The following CACNA2D1 variants were observed in gnomAD, a reference collection of about 807,000 sequenced individuals.
The protein encoded by CACNA2D1 is voltage-dependent calcium channel subunit alpha-2/delta-1.
In CACNA2D1, 53 loss-of-function variants were observed where a neutral mutation model predicts 171.5. The ratio of observed to expected loss-of-function variants is 0.31; its 90% CI spans 0.25 to 0.39. CACNA2D1 has a LOEUF of 0.39. CACNA2D1 is among the 10% of genes least tolerant of loss of function. The pLI is 1.00. For missense variants in CACNA2D1, 903 were observed against 1,299.8 expected, an observed-to-expected ratio of 0.69 and a Z score of 4.69; for synonymous variants, 442 against 443.1, an observed-to-expected ratio of 1.00 and a Z score of 0.03.
At chr7:82,111,440 ATATAT>A (rs1788428081) in intron 6 of CACNA2D1, among the ~76,000 whole-genome samples, 1 of 99,748 alleles carries the variant, frequency 1.0e-5, no homozygotes, top group African/African-American at 4.1e-5. Flanking sequence ...ATATATATAT[ATATAT>A]TTTTTTTTTT....
At chr7:82,109,294 A>G (rs1788106778) in intron 6 of CACNA2D1, among the ~76,000 whole-genome samples, 1 of 152,174 alleles carries the variant, frequency 6.6e-6, no homozygotes, top group African/African-American at 2.4e-5. Context: ...CCTACTGATG[A>G]AAACTCTTTT....
chr7:82,010,893 A>G (rs1317259897), intron 15 of CACNA2D1, among the ~76,000 whole-genome samples: 1 of 152,184 alleles, frequency 6.6e-6, no homozygotes, highest in African/African-American at 2.4e-5. Context: ...AGGGTTACTG[A>G]ATCAGCATTT....
intron 36 of CACNA2D1, among the ~76,000 whole-genome samples, 184 bp downstream of exon 36, chr7:81,961,710 G>A (rs1356918533): frequency 6.6e-6 from 1 of 151,844 alleles, no homozygotes; most frequent in African/African-American, 2.4e-5. Flanking sequence ...AATTTTAAAA[G>A]TCTACAGAGA....
At chr7:82,377,260 C>A (rs1250829965) in intron 1 of CACNA2D1, among the ~76,000 whole-genome samples, 1 of 152,144 alleles carries the variant, frequency 6.6e-6, no homozygotes, top group African/African-American at 2.4e-5. Flanking sequence ...TTGATTAAAG[C>A]TTCAGAGTTG....
intron 14 of CACNA2D1, 118 bp downstream of exon 14, chr7:82,013,343 G>C (rs879476733): frequency 5.2e-5 from 15 of 287,512 alleles, no homozygotes; most frequent in Admixed American, 1.1e-4. Context: ...TTTTAATATA[G>C]GTGTAATATT....
intron 32 of CACNA2D1, among the ~76,000 whole-genome samples, chr7:81,965,098 AAAC>A: frequency 6.6e-6 from 1 of 151,966 alleles, no homozygotes; most frequent in East Asian, 1.9e-4. Flanking sequence ...GAAAAAAAAC[AAAC>A]AAAGCCCAGG....
chr7:82,013,539 T>C (rs375015775), intron 13 of CACNA2D1, 29 bp from the exon 14 acceptor site: 19 of 793,802 alleles, frequency 2.4e-5, no homozygotes, highest in Non-Finnish European at 3.4e-5. Flanking sequence ...TTTTTATACA[T>C]AAATGTTACT....
In CACNA2D1 at chr7:82,381,175, G is replaced by T. The variant is rs1281891143; in HGVS notation, c.96-31526C>A. Among the ~76,000 whole-genome samples, 3 of 151,902 alleles carry T rather than the reference G, an allele frequency of 2.0e-5. No homozygotes were observed. The South Asian group carries it at 6.2e-4, about 32-fold the overall frequency. On this transcript the variant is annotated intron_variant, in intron 1 of 38. Coordinates refer to ENST00000356860, the MANE Select transcript of CACNA2D1 (RefSeq NM_000722.4). Reference sequence around the variant, plus strand: ...AAAATGCAAAAACAATTAACTGGCCGTGGTGGCGGGCCCCTGTAGTCCCAG... The same window carrying T: ...AAAATGCAAAAACAATTAACTGGCCTTGGTGGCGGGCCCCTGTAGTCCCAG...
intron 38 of CACNA2D1, 53 bp downstream of exon 38, chr7:81,959,222 G>A (rs376915534): frequency 5.8e-5 from 72 of 1,245,596 alleles, no homozygotes; most frequent in Admixed American, 2.2e-4. Context: ...GAATTCTTGC[G>A]GACAGTGACC....
intron 5 of CACNA2D1, among the ~76,000 whole-genome samples, chr7:82,117,491 A>G (rs1486966429): frequency 1.3e-5 from 2 of 152,176 alleles, no homozygotes; most frequent in Admixed American, 1.3e-4. Flanking sequence ...ATGTAAACTT[A>G]AAGAATTGGA....
At chr7:82,354,430 C>A (rs1004474097) in intron 1 of CACNA2D1, among the ~76,000 whole-genome samples, 1 of 151,936 alleles carries the variant, frequency 6.6e-6, no homozygotes, top group African/African-American at 2.4e-5. Context: ...ATAAGTAGAA[C>A]CAAAGAGAAA....
At chr7:82,137,859 C>CA (rs77305052) in intron 4 of CACNA2D1, among the ~76,000 whole-genome samples, 73 of 149,492 alleles carry the variant, frequency 4.9e-4, no homozygotes, top group East Asian at 1.2e-3. Flanking sequence ...GACTCCGCCT[C>CA]AAAAAAAAAA....
intron 3 of CACNA2D1, among the ~76,000 whole-genome samples, chr7:82,257,732 G>A (rs1806474677): frequency 6.6e-6 from 1 of 152,090 alleles, no homozygotes; most frequent in African/African-American, 2.4e-5. Context: ...AATCTGGACT[G>A]GTTCTCACAT....
intron 3 of CACNA2D1, among the ~76,000 whole-genome samples, chr7:82,179,184 T>C (rs1003124766): frequency 3.9e-5 from 6 of 152,110 alleles, no homozygotes; most frequent in African/African-American, 1.4e-4. Flanking sequence ...CCCTAATCCA[T>C]GTAATTCCAC....
In CACNA2D1 at chr7:82,076,157, AG is replaced by A. The variant is rs544323343; in HGVS notation, c.658+8611del. On this transcript the variant is annotated intron_variant, in intron 7 of 38. Transcript: ENST00000356860. The stretch of plus-strand genomic sequence containing the variant: ...ATAAGACAGATTCAGGTAAGAGATA[AG>A]GTTATACAAAATGCAACAAAAATGC... 2.9e-3 allele frequency among the ~76,000 whole-genome samples: 437 copies of A among 152,290 alleles called. 3 individuals carry two copies. Among genetic ancestry groups the A allele is most frequent in the African/African-American group, 9.8e-3 (407 of 41,570 alleles).
chr7:82,321,541 T>C (rs548698254), intron 3 of CACNA2D1, among the ~76,000 whole-genome samples: 4 of 152,158 alleles, frequency 2.6e-5, no homozygotes, highest in Non-Finnish European at 5.9e-5. Context: ...CATATCTTCC[T>C]CATAAGGTTA....
At chr7:82,278,864 T>C (rs1334799196) in intron 3 of CACNA2D1, among the ~76,000 whole-genome samples, 4 of 152,148 alleles carry the variant, frequency 2.6e-5, no homozygotes, top group Non-Finnish European at 5.9e-5. Flanking sequence ...TGCAAGCACA[T>C]GTAAGGGTCT....
At chr7:82,140,970 G>GAAAAAAAAAAAAAAAAAAAA (rs1007160020) in intron 4 of CACNA2D1, among the ~76,000 whole-genome samples, 1 of 92,914 alleles carries the variant, frequency 1.1e-5, no homozygotes. Flanking sequence ...AAAAAAAAAA[G>GAAAAAAAAAAAAAAAAAAAA]AAAAAAAAAT....
rs1247469218 is a variant in CACNA2D1 at position 82,333,580 on chromosome 7, C to T, written c.294+1555G>A. Reference sequence around the variant, plus strand: ...ATTACGGGAACAGCATGGGAAAGACCCGCCCCCATGATTCAATTACCTCCC... The same window carrying T: ...ATTACGGGAACAGCATGGGAAAGACTCGCCCCCATGATTCAATTACCTCCC... On this transcript the variant is annotated intron_variant, in intron 3 of 38. Transcript: ENST00000356860. Among the ~76,000 whole-genome samples, 10 of 151,790 alleles carry T rather than the reference C, an allele frequency of 6.6e-5. No homozygotes were observed. The East Asian group carries it at 7.7e-4, about 12-fold the overall frequency.
Sources: allele counts gnomAD v4.1 joint callset (sites outside exome capture counted in the v4.1 genomes callset), GRCh38; gene constraint gnomAD v4.1.1; transcripts MANE v1.5; gene names NCBI Gene and HGNC (gene_info 2026-07-23, HGNC 2026-07-21).